Variants in NXPH1 observed in about 807,000 individuals in gnomAD.
NXPH1 encodes neurexophilin-1.
A neutral mutation model predicts 23.7 loss-of-function variants in NXPH1; 5 were observed. That is an observed-to-expected ratio of 0.21 (90% CI 0.11 to 0.44). The LOEUF is 0.44. Ranked by LOEUF, NXPH1 falls within the 20% of genes least tolerant of loss-of-function variation. The pLI, the probability that NXPH1 is intolerant of heterozygous loss-of-function variation, is 0.99. For missense variants in NXPH1, 324 were observed against 321.6 expected, an observed-to-expected ratio of 1.01 and a Z score of -0.06; for synonymous variants, 144 against 122.2, an observed-to-expected ratio of 1.18 and a Z score of -1.18.
chr7:8,641,811 C>T (rs923099864), intron 2 of NXPH1, among the ~76,000 whole-genome samples: 1 of 152,064 alleles, frequency 6.6e-6, no homozygotes, highest in Admixed American at 6.6e-5. Context: ...CTTATACAAC[C>T]TTTTTGTCCT....
At chr7:8,457,336 C>G (rs1049041643) in intron 2 of NXPH1, among the ~76,000 whole-genome samples, 1 of 152,112 alleles carries the variant, frequency 6.6e-6, no homozygotes, top group African/African-American at 2.4e-5. Context: ...GGGAAGAAAA[C>G]AACCCAGAGA....
chr7:8,439,807 G>C (rs1816261932), intron 2 of NXPH1, among the ~76,000 whole-genome samples: 1 of 152,174 alleles, frequency 6.6e-6, no homozygotes, highest in Non-Finnish European at 1.5e-5. Context: ...TTATGAAGAT[G>C]GCTGTTAAGG....
chr7:8,557,317 C>T (rs932111468), intron 2 of NXPH1, among the ~76,000 whole-genome samples: 1 of 151,664 alleles, frequency 6.6e-6, no homozygotes, highest in African/African-American at 2.4e-5. Context: ...TGTGATTAGA[C>T]CCCTCTTCCT....
At chr7:8,569,189 A>G (rs1818602742) in intron 2 of NXPH1, among the ~76,000 whole-genome samples, 1 of 151,854 alleles carries the variant, frequency 6.6e-6, no homozygotes, top group African/African-American at 2.4e-5. Flanking sequence ...AAGTTTTGCA[A>G]AAATAATTGA....
At chr7:8,522,311 G>T (rs1817786149) in intron 2 of NXPH1, among the ~76,000 whole-genome samples, 1 of 152,172 alleles carries the variant, frequency 6.6e-6, no homozygotes, top group Admixed American at 6.5e-5. Flanking sequence ...TAGCTCTCCA[G>T]TTGTGTGCAG....
At chr7:8,517,335 A>G (rs1817702005) in intron 2 of NXPH1, among the ~76,000 whole-genome samples, 1 of 152,116 alleles carries the variant, frequency 6.6e-6, no homozygotes, top group Admixed American at 6.5e-5. Flanking sequence ...CAGAGTGAGG[A>G]GAAGAGGATT....
rs1389807045 is a variant in NXPH1 at position 8,664,998 on chromosome 7, C to G, written c.55-86010C>G. On this transcript the variant is annotated intron_variant, in intron 2 of 2. Coordinates refer to ENST00000405863, the MANE Select transcript of NXPH1 (RefSeq NM_152745.3). The stretch of plus-strand genomic sequence containing the variant: ...TATCTCTTCACTCTGTCAATTCTTT[C>G]CTTTGCTGTCATAAAGTTTTATATG... 4.6e-5 allele frequency among the ~76,000 whole-genome samples: 7 copies of G among 151,912 alleles called. No homozygotes were observed. In the South Asian group the frequency reaches 1.4e-3, roughly 31 times the overall value.
chr7:8,550,402 T>G (rs991859105), intron 2 of NXPH1, among the ~76,000 whole-genome samples: 2 of 151,586 alleles, frequency 1.3e-5, no homozygotes, highest in Non-Finnish European at 3.0e-5. Context: ...CAAAAGGATC[T>G]TACTATTCAA....
At chr7:8,471,517 T>C (rs1408402296) in intron 2 of NXPH1, among the ~76,000 whole-genome samples, 1 of 152,116 alleles carries the variant, frequency 6.6e-6, no homozygotes, top group African/African-American at 2.4e-5. Flanking sequence ...TGGAAATGGG[T>C]TGTAAATACA....
chr7:8,681,083 C>G (rs1377722264), intron 2 of NXPH1, among the ~76,000 whole-genome samples: 1 of 152,248 alleles, frequency 6.6e-6, no homozygotes, highest in Non-Finnish European at 1.5e-5. Flanking sequence ...GTGCTCCTCT[C>G]CTAGACTTTG....
chr7:8,747,570 A>T (rs11971113), intron 2 of NXPH1, among the ~76,000 whole-genome samples: 2,355 of 152,318 alleles, frequency 0.015, 55 homozygotes, highest in African/African-American at 0.048. Context: ...CCACTACTAA[A>T]TGCATTCCTG....
At chr7:8,584,196 T>C (rs1362183994) in intron 2 of NXPH1, among the ~76,000 whole-genome samples, 1 of 152,196 alleles carries the variant, frequency 6.6e-6, no homozygotes, top group East Asian at 1.9e-4. Flanking sequence ...CTGAATCTTA[T>C]AGAGCTGTAA....
intron 2 of NXPH1, among the ~76,000 whole-genome samples, chr7:8,620,743 T>C (rs912798773): frequency 1.3e-5 from 2 of 152,216 alleles, no homozygotes; most frequent in Non-Finnish European, 2.9e-5. Context: ...CTTAAAATGA[T>C]TAGATGAAGT....
intron 2 of NXPH1, among the ~76,000 whole-genome samples, chr7:8,509,410 C>T (rs1030149644): frequency 1.3e-5 from 2 of 152,042 alleles, no homozygotes; most frequent in South Asian, 2.1e-4. Flanking sequence ...TAACTTGTGC[C>T]CTGTCATAGA....
At chr7:8,665,815 G>T (rs1820751308) in intron 2 of NXPH1, among the ~76,000 whole-genome samples, 1 of 148,008 alleles carries the variant, frequency 6.8e-6, no homozygotes, top group African/African-American at 2.5e-5. Context: ...TGGAAAGTTT[G>T]TTGTTAGTGT....
At chr7:8,696,153 T>C (rs1302048729) in intron 2 of NXPH1, among the ~76,000 whole-genome samples, 2 of 152,252 alleles carry the variant, frequency 1.3e-5, no homozygotes, top group African/African-American at 4.8e-5. Context: ...CATTTTCCTC[T>C]GGTATGAACT....
intron 2 of NXPH1, among the ~76,000 whole-genome samples, chr7:8,534,364 G>C (rs1416236709): frequency 2.0e-5 from 3 of 152,112 alleles, no homozygotes. Context: ...AAATAGCACA[G>C]TGGAATCTAT....
rs1202103281 is a variant in NXPH1 at position 8,435,914 on chromosome 7, C to T, written c.54+147C>T. On this transcript the variant is annotated intron_variant, in intron 2 of 2. Transcript: ENST00000405863. This position sits in a 1 kb window ranked among gnomAD's most constrained non-coding sequence, Gnocchi z 5.9. ...GTTGGAGCAACTTTGGCAAGCTGGTCTCTGGATTCCTGCGGATTTTCCGGG... is the reference window on the plus strand; with the variant it reads ...GTTGGAGCAACTTTGGCAAGCTGGTTTCTGGATTCCTGCGGATTTTCCGGG... The T allele has an allele frequency of 2.6e-6, 2 of 766,966 alleles. No homozygotes were observed. Among genetic ancestry groups the T allele is most frequent in the East Asian group, 2.5e-5 (1 of 40,174 alleles). 47.5% of individuals were successfully genotyped at this position (766,966 alleles called of 1,614,324 possible).
chr7:8,629,147 C>A (rs1228345807), intron 2 of NXPH1, among the ~76,000 whole-genome samples: 1 of 151,942 alleles, frequency 6.6e-6, no homozygotes, highest in African/African-American at 2.4e-5. Context: ...TTATTTACCC[C>A]CATTGTTATA....
Sources: gnomAD v4.1 joint callset for allele counts (sites outside exome capture counted in the v4.1 genomes callset) on GRCh38, gnomAD v4.1.1 for gene constraint, Gnocchi (gnomAD v3.1) non-coding constraint, MANE v1.5 for transcripts, NCBI Gene and HGNC (gene_info 2026-07-23, HGNC 2026-07-21) for gene names.